HUNK: variants seen among roughly 807,000 people sequenced by gnomAD.
The protein encoded by HUNK is hormonally up-regulated Neu-associated kinase.
HUNK carries 21 observed loss-of-function variants against 61.0 expected under a neutral mutation model. The ratio of observed to expected loss-of-function variants is 0.34; its 90% CI spans 0.24 to 0.50. The LOEUF (loss-of-function observed/expected upper bound fraction) is 0.50. Among genes scored for constraint, HUNK ranks in the 20% least tolerant of loss-of-function variants. HUNK has a pLI of 0.98. For missense variants in HUNK, 772 were observed against 945.7 expected, an observed-to-expected ratio of 0.82 and a Z score of 2.41; for synonymous variants, 371 against 386.1, an observed-to-expected ratio of 0.96 and a Z score of 0.46.
chr21:31,932,288 G>A (rs1201513843), intron 2 of HUNK, among the ~76,000 whole-genome samples: 2 of 152,108 alleles, frequency 1.3e-5, no homozygotes, highest in African/African-American at 4.8e-5. Flanking sequence ...CAGGGGTGGG[G>A]GATCACCTGT....
chr21:31,967,128 C>T (rs1409274146), intron 5 of HUNK, among the ~76,000 whole-genome samples: 3 of 151,758 alleles, frequency 2.0e-5, no homozygotes, highest in Non-Finnish European at 2.9e-5. Context: ...GCAGGAGGAT[C>T]GCTTGAGCTC....
rs1212793471 is a variant in HUNK at position 32,002,985 on chromosome 21, G to A, written c.*3801G>A. Reference sequence around the variant, plus strand: ...AAAGGACCTAAGATTCTCTGGCTCAGCCCCAGCCTTTCTGAAGAAGGGAAA... The same window carrying A: ...AAAGGACCTAAGATTCTCTGGCTCAACCCCAGCCTTTCTGAAGAAGGGAAA... On this transcript the variant is annotated 3_prime_UTR_variant, in exon 11 of 11. Coordinates refer to ENST00000270112, the MANE Select transcript of HUNK (RefSeq NM_014586.2). 2.0e-5 allele frequency: 3 copies of A among 152,188 alleles called. No individual in the cohort carries two copies. Among genetic ancestry groups the A allele is most frequent in the African/African-American group, 7.2e-5 (3 of 41,460 alleles). The allele number at this position is 152,188 out of a possible 1,614,324, so 9.4% of individuals were successfully genotyped here. A position where few individuals can be genotyped will look rare whatever the true frequency, so the allele number is the denominator to read the frequency against.
At chr21:31,959,094 T>C in intron 5 of HUNK, 124 bp downstream of exon 5, 1 of 1,037,108 alleles carries the variant, frequency 9.6e-7, no homozygotes, top group Non-Finnish European at 1.3e-6. Context: ...TATAAGTTTC[T>C]TTCTAGTGTT....
intron 6 of HUNK, among the ~76,000 whole-genome samples, chr21:31,971,081 A>ATTTATTTAT (rs11423136): frequency 1.8e-4 from 28 of 151,772 alleles, no homozygotes; most frequent in African/African-American, 4.4e-4. Context: ...TTATTTATTT[A>ATTTATTTAT]TTATTTATTT....
At chr21:31,885,470 C>T (rs993859227) in intron 1 of HUNK, among the ~76,000 whole-genome samples, 3 of 152,176 alleles carry the variant, frequency 2.0e-5, no homozygotes, top group Admixed American at 2.0e-4. Context: ...TGTCCCTCCT[C>T]ACCACCTGGA....
chr21:31,879,607 A>G (rs1382718973), intron 1 of HUNK, among the ~76,000 whole-genome samples: 2 of 152,122 alleles, frequency 1.3e-5, no homozygotes, highest in Non-Finnish European at 2.9e-5. Context: ...TCACGGCTAT[A>G]GCTACCCGTG....
At chr21:31,891,394 G>T (rs2052386960) in intron 1 of HUNK, among the ~76,000 whole-genome samples, 1 of 152,190 alleles carries the variant, frequency 6.6e-6, no homozygotes, top group Non-Finnish European at 1.5e-5. Context: ...CAAACAAAAA[G>T]AAAAGAAACA....
rs902424871 is a variant in HUNK, at chr21:31,960,862, A to G, written c.874+1892A>G. Among the ~76,000 whole-genome samples the G allele has an allele frequency of 7.9e-5, 12 of 152,318 alleles. No homozygotes were observed. The South Asian group carries it at 1.9e-3, about 24-fold the overall frequency. On this transcript the variant is annotated intron_variant, in intron 5 of 10. Transcript: ENST00000270112. ...AAACCATATCACCCAGTTTCCCCCAATAGTAATATATTGTATAACTGTGGT... is the reference window on the plus strand; with the variant it reads ...AAACCATATCACCCAGTTTCCCCCAGTAGTAATATATTGTATAACTGTGGT...
chr21:31,899,065 G>GTGCCATGGA (rs2052445185), intron 1 of HUNK, among the ~76,000 whole-genome samples: 1 of 151,904 alleles, frequency 6.6e-6, no homozygotes, highest in African/African-American at 2.4e-5. Context: ...AGTATAAAAG[G>GTGCCATGGA]GGAAAAACTC....
chr21:31,992,467 G>C (rs1601413776), intron 9 of HUNK, among the ~76,000 whole-genome samples: 1 of 152,358 alleles, frequency 6.6e-6, no homozygotes, highest in South Asian at 2.1e-4. Flanking sequence ...TGTATGGCTT[G>C]CCTCTGGGGC....
At chr21:31,888,895 T>C (rs909590581) in intron 1 of HUNK, among the ~76,000 whole-genome samples, 7 of 152,140 alleles carry the variant, frequency 4.6e-5, no homozygotes, top group Non-Finnish European at 5.9e-5. Flanking sequence ...TATAATACTA[T>C]GCTAAATACA....
At chr21:31,919,093 GGAGGAGGGGCTGGACTGAGC>G in intron 1 of HUNK, among the ~76,000 whole-genome samples, 1 of 105,322 alleles carries the variant, frequency 9.5e-6, no homozygotes, top group African/African-American at 5.2e-5. Flanking sequence ...AGCGGTATGA[GGAGGAGGGGCTGGACTGAGC>G]GGTATGAGGA....
chr21:31,989,628 C>T (rs998032068), intron 8 of HUNK, among the ~76,000 whole-genome samples: 2 of 150,312 alleles, frequency 1.3e-5, no homozygotes, highest in African/African-American at 4.9e-5. Flanking sequence ...GCAGGAGAAT[C>T]GCTTGAACCT....
At chr21:31,902,174 C>A (rs1364436119) in intron 1 of HUNK, among the ~76,000 whole-genome samples, 1 of 152,142 alleles carries the variant, frequency 6.6e-6, no homozygotes, top group Non-Finnish European at 1.5e-5. Flanking sequence ...GCCATTATTT[C>A]CCCTTTTTAC....
intron 1 of HUNK, among the ~76,000 whole-genome samples, chr21:31,904,968 C>T (rs553498605): frequency 5.9e-4 from 89 of 151,966 alleles, no homozygotes; most frequent in Admixed American, 9.2e-4. Context: ...ATCCCAGCTA[C>T]TCGGGAGGCT....
At chr21:31,970,680 G>C (rs550430535) in intron 6 of HUNK, among the ~76,000 whole-genome samples, 2 of 152,322 alleles carry the variant, frequency 1.3e-5, no homozygotes, top group Admixed American at 1.3e-4. Flanking sequence ...GGCAACTGTT[G>C]AAGGAAGTGG....
intron 1 of HUNK, among the ~76,000 whole-genome samples, chr21:31,875,227 G>A (rs1298686089): frequency 6.6e-6 from 1 of 152,186 alleles, no homozygotes; most frequent in Non-Finnish European, 1.5e-5. Flanking sequence ...CTGGTCACAG[G>A]GCCAACCTGC....
intron 7 of HUNK, among the ~76,000 whole-genome samples, chr21:31,977,318 T>A (rs1174851300): frequency 6.6e-6 from 1 of 152,134 alleles, no homozygotes; most frequent in Admixed American, 6.5e-5. Flanking sequence ...AGTCTTCAGA[T>A]AAAAGGAAGA....
intron 1 of HUNK, among the ~76,000 whole-genome samples, chr21:31,884,508 C>T (rs1255864029): frequency 2.0e-5 from 3 of 151,882 alleles, no homozygotes; most frequent in African/African-American, 7.3e-5. Flanking sequence ...AGGAGAATCA[C>T]TTGAACCTGG....
Sources: allele counts gnomAD v4.1 joint callset (sites outside exome capture counted in the v4.1 genomes callset), GRCh38; gene constraint gnomAD v4.1.1; transcripts MANE v1.5; gene names NCBI Gene and HGNC (gene_info 2026-07-23, HGNC 2026-07-21).